Variants in TBC1D9 observed in about 807,000 individuals in gnomAD.
TBC1D9 encodes TBC1 domain family member 9A.
In TBC1D9, 63 loss-of-function variants were observed where a neutral mutation model predicts 132.0. The ratio of observed to expected loss-of-function variants is 0.48; its 90% CI spans 0.39 to 0.59. TBC1D9 has a LOEUF of 0.59. Among genes scored for constraint, TBC1D9 ranks in the 20% least tolerant of loss-of-function variants. TBC1D9 has a pLI of 0.00. For missense variants in TBC1D9, 1,261 were observed against 1,592.7 expected, an observed-to-expected ratio of 0.79 and a Z score of 3.54; for synonymous variants, 610 against 609.9, an observed-to-expected ratio of 1.00 and a Z score of 0.00.
At chr4:140,669,594 C>G in intron 8 of TBC1D9, 40 bp downstream of exon 8, 1 of 1,579,292 alleles carries the variant, frequency 6.3e-7, no homozygotes, top group Non-Finnish European at 8.7e-7. Context: ...TGGCATTGTT[C>G]AAATCTACAA....
chr4:140,751,169 A>C (rs1738917873), intron 1 of TBC1D9, among the ~76,000 whole-genome samples: 2 of 152,154 alleles, frequency 1.3e-5, no homozygotes, highest in Non-Finnish European at 2.9e-5. Flanking sequence ...AAACCTGTGC[A>C]TGTAACCCAT....
chr4:140,697,756 G>A (rs1737992811), intron 2 of TBC1D9, among the ~76,000 whole-genome samples: 1 of 152,212 alleles, frequency 6.6e-6, no homozygotes, highest in South Asian at 2.1e-4. Context: ...TCAGACTGAG[G>A]AGTAGTAACG....
chr4:140,737,121 G>A (rs12386428), intron 1 of TBC1D9, among the ~76,000 whole-genome samples: 58,252 of 151,934 alleles, frequency 0.38, 13,262 homozygotes, highest in African/African-American at 0.62. Context: ...GCAGTGCACA[G>A]TAGGGTTGGC....
intron 1 of TBC1D9, among the ~76,000 whole-genome samples, chr4:140,736,466 G>T (rs1304209632): frequency 6.6e-6 from 1 of 152,070 alleles, no homozygotes; most frequent in Non-Finnish European, 1.5e-5. Flanking sequence ...GCTTGAACCC[G>T]GGAGGCAGAG....
intron 1 of TBC1D9, 141 bp from the exon 2 acceptor site, chr4:140,701,755 T>C: frequency 1.6e-6 from 1 of 638,458 alleles, no homozygotes; most frequent in Non-Finnish European, 2.7e-6. Context: ...AAAATTTCAT[T>C]TTAGGATGAT....
intron 1 of TBC1D9, among the ~76,000 whole-genome samples, chr4:140,744,966 A>G (rs1560902855): frequency 6.6e-6 from 1 of 150,782 alleles, no homozygotes; most frequent in Non-Finnish European, 1.5e-5. Flanking sequence ...CACAACTCCT[A>G]TCTTAACCCA....
chr4:140,662,055 C>G lies in TBC1D9; in HGVS notation c.1641G>C (p.Glu547Asp). 1 of 1,613,990 alleles carries G rather than the reference C, an allele frequency of 6.2e-7. No homozygotes were observed. The highest frequency in any genetic ancestry group is 8.5e-7 in the Non-Finnish European group (1 of 1,179,898). ...THPGYYEDLVEKSMGKYNLAT... is the reference protein window; with the variant it reads ...THPGYYEDLVDKSMGKYNLAT... ...CGAGATTATACTTCCCCATGGACTT[C>G]TCCACTAGGTCTTCATAGTACCCAG... The change falls in exon 10 of 21, where the codon GAG (glutamate) becomes GAC (aspartate). Residue 547 changes from glutamate to aspartate, a missense_variant. Coordinates refer to ENST00000442267, the MANE Select transcript of TBC1D9 (RefSeq NM_015130.3).
At chr4:140,746,986 G>T (rs1738846139) in intron 1 of TBC1D9, among the ~76,000 whole-genome samples, 1 of 152,054 alleles carries the variant, frequency 6.6e-6, no homozygotes, top group African/African-American at 2.4e-5. Flanking sequence ...GGGCAATATA[G>T]TGAGACCCCA....
intron 1 of TBC1D9, among the ~76,000 whole-genome samples, chr4:140,741,621 G>A (rs1338953500): frequency 1.3e-5 from 2 of 152,198 alleles, no homozygotes; most frequent in Non-Finnish European, 2.9e-5. Context: ...GAGAGGCTGA[G>A]GTGGGAGTAT....
chr4:140,633,170 C>A (rs1190850282), intron 16 of TBC1D9, among the ~76,000 whole-genome samples: 1 of 152,178 alleles, frequency 6.6e-6, no homozygotes, highest in Non-Finnish European at 1.5e-5. Flanking sequence ...TTGGGTACTT[C>A]TTTTTAAAGC....
At chr4:140,696,616 C>T (rs13146458) in intron 2 of TBC1D9, among the ~76,000 whole-genome samples, 55,157 of 152,014 alleles carry the variant, frequency 0.36, 11,956 homozygotes, top group South Asian at 0.5. Context: ...AACAGTCCTC[C>T]TGCCTGATTT....
intron 1 of TBC1D9, among the ~76,000 whole-genome samples, chr4:140,740,341 A>G (rs1367018245): frequency 6.6e-6 from 1 of 152,208 alleles, no homozygotes; most frequent in Non-Finnish European, 1.5e-5. Context: ...GGGACAGACA[A>G]TTTTAACTTG....
At chr4:140,646,962 A>G (rs1002989819) in intron 13 of TBC1D9, among the ~76,000 whole-genome samples, 1 of 152,198 alleles carries the variant, frequency 6.6e-6, no homozygotes. Context: ...TTAATTCACT[A>G]TGGGGTTTTA....
intron 1 of TBC1D9, among the ~76,000 whole-genome samples, chr4:140,711,782 T>C (rs1474615057): frequency 6.6e-5 from 10 of 152,218 alleles, no homozygotes; most frequent in Admixed American, 6.5e-4. Flanking sequence ...ATTACTATTC[T>C]GTATGATCCC....
At chr4:140,654,222 T>C (rs1187479070) in intron 13 of TBC1D9, among the ~76,000 whole-genome samples, 1 of 152,236 alleles carries the variant, frequency 6.6e-6, no homozygotes, top group Non-Finnish European at 1.5e-5. Flanking sequence ...CCCTGTACCC[T>C]TTCCCCATTG....
intron 11 of TBC1D9, among the ~76,000 whole-genome samples, chr4:140,658,942 A>G (rs1737315142): frequency 6.6e-6 from 1 of 152,230 alleles, no homozygotes; most frequent in South Asian, 2.1e-4. Flanking sequence ...GACATTTTTG[A>G]CAATATTTTC....
chr4:140,621,593 C>G lies in TBC1D9; in HGVS notation c.*602G>C, dbSNP rs1736614533. ...ATGTAAAAATCACTTACTTTCATAACTGTTTAGAACCCCAAATGTTTTCCC... is the reference window on the plus strand; with the variant it reads ...ATGTAAAAATCACTTACTTTCATAAGTGTTTAGAACCCCAAATGTTTTCCC... On this transcript the variant is annotated 3_prime_UTR_variant, in exon 21 of 21. Coordinates refer to ENST00000442267, the MANE Select transcript of TBC1D9 (RefSeq NM_015130.3). The G allele has an allele frequency of 6.6e-6, 1 of 152,188 alleles. No individual in the cohort carries two copies. The highest frequency in any genetic ancestry group is 1.5e-5 in the Non-Finnish European group (1 of 68,028). 9.4% of individuals were successfully genotyped at this position (152,188 alleles called of 1,614,324 possible).
At chr4:140,637,298 C>T (rs562618193) in intron 15 of TBC1D9, among the ~76,000 whole-genome samples, 3 of 151,964 alleles carry the variant, frequency 2.0e-5, no homozygotes, top group South Asian at 2.1e-4. Flanking sequence ...TACAGTGAGC[C>T]GAGATCGTGT....
At chr4:140,659,056 T>C (rs888611918) in intron 11 of TBC1D9, among the ~76,000 whole-genome samples, 25 of 152,186 alleles carry the variant, frequency 1.6e-4, no homozygotes, top group African/African-American at 5.8e-4. Flanking sequence ...CTTGTCCTGC[T>C]AAAATGAATC....
Sources: allele counts gnomAD v4.1 joint callset (sites outside exome capture counted in the v4.1 genomes callset), GRCh38; gene constraint gnomAD v4.1.1; transcripts MANE v1.5; gene names NCBI Gene and HGNC (gene_info 2026-07-23, HGNC 2026-07-21).